ARAP2: variants seen among roughly 807,000 people sequenced by gnomAD.
The protein encoded by ARAP2 is ArfGAP with RhoGAP domain, ankyrin repeat and PH domain 2.
Under a neutral mutation model 194.5 loss-of-function variants are expected in ARAP2, and 148 were observed. That is an observed-to-expected ratio of 0.76 (90% CI 0.67 to 0.87). The LOEUF is 0.87. ARAP2 is among the 40% of genes least tolerant of loss of function. The pLI is 0.00. For synonymous variants in ARAP2, 695 were observed against 683.5 expected (o/e 1.02, Z -0.26); for missense variants, 2,128 against 1,989.7 (o/e 1.07, Z -1.32).
intron 7 of ARAP2, among the ~76,000 whole-genome samples, chr4:36,190,677 G>A (rs945866125): frequency 5.3e-5 from 8 of 152,120 alleles, no homozygotes; most frequent in African/African-American, 1.9e-4. Flanking sequence ...CACACAGTTG[G>A]AGAAAATCAA....
intron 8 of ARAP2, among the ~76,000 whole-genome samples, chr4:36,186,531 C>G (rs952816234): frequency 7.9e-5 from 12 of 152,206 alleles, no homozygotes; most frequent in African/African-American, 2.9e-4. Flanking sequence ...TCCCCAAACC[C>G]AAGACCATGG....
chr4:36,042,906 G>A (rs1322274125), intron 5 of ARAP2, among the ~76,000 whole-genome samples: 2 of 150,242 alleles, frequency 1.3e-5, no homozygotes, highest in African/African-American at 4.9e-5. Flanking sequence ...GCAATGGCAC[G>A]ATCTTGGCTC....
At chr4:36,148,952 A>T (rs6531416) in intron 16 of ARAP2, among the ~76,000 whole-genome samples, 88,540 of 151,936 alleles carry the variant, frequency 0.58, 26,570 homozygotes, top group East Asian at 0.84. Context: ...CACATCAAGC[A>T]TTAAATCTTA....
chr4:36,083,124 C>T (rs944465512), intron 29 of ARAP2, among the ~76,000 whole-genome samples: 2 of 152,050 alleles, frequency 1.3e-5, no homozygotes, highest in African/African-American at 4.8e-5. Flanking sequence ...TTACTTTACA[C>T]AGAGAGATTG....
chr4:36,149,881 A>T (rs1730545119), intron 16 of ARAP2, among the ~76,000 whole-genome samples: 1 of 152,148 alleles, frequency 6.6e-6, no homozygotes, highest in Non-Finnish European at 1.5e-5. Context: ...AGCTTTGCAA[A>T]TCTCTTTCCT....
chr4:36,103,345 C>T (rs964493950), intron 27 of ARAP2, among the ~76,000 whole-genome samples: 1 of 151,574 alleles, frequency 6.6e-6, no homozygotes, highest in African/African-American at 2.4e-5. Context: ...TTTCAAAAAA[C>T]TTTAGTGCTT....
chr4:36,043,845 G>GAAC (rs1560311674), intron 5 of ARAP2, among the ~76,000 whole-genome samples: 1 of 35,910 alleles, frequency 2.8e-5, no homozygotes, highest in Non-Finnish European at 5.4e-5. Context: ...GGAGGGGAGG[G>GAAC]GGGAGGGGAG....
At chr4:36,061,611 G>A (rs986989355), downstream of ARAP2, among the ~76,000 whole-genome samples, 8 of 152,138 alleles carry the variant, frequency 5.3e-5, no homozygotes, top group African/African-American at 1.9e-4. Context: ...TTTGGCTACT[G>A]CTGCAACAAA....
intron 15 of ARAP2, among the ~76,000 whole-genome samples, chr4:36,156,847 A>T (rs1301912193): frequency 6.6e-6 from 1 of 152,238 alleles, no homozygotes; most frequent in Non-Finnish European, 1.5e-5. Context: ...CCTAAAATGC[A>T]ATGTTTTAAA....
chr4:36,153,472 G>T (rs16991957), intron 15 of ARAP2, among the ~76,000 whole-genome samples: 13,775 of 152,184 alleles, frequency 0.091, 682 homozygotes, highest in Middle Eastern at 0.13. Flanking sequence ...TAAAATTGGG[G>T]CCACAGAATG....
chr4:36,114,940 T>C (rs181824043), intron 25 of ARAP2, among the ~76,000 whole-genome samples: 54 of 152,152 alleles, frequency 3.5e-4, no homozygotes, highest in African/African-American at 1.2e-3. Context: ...TTCTTTTTGT[T>C]TTTGCTTATG....
chr4:36,125,223 G>A (rs1309498536), intron 21 of ARAP2, among the ~76,000 whole-genome samples: 1 of 151,892 alleles, frequency 6.6e-6, no homozygotes, highest in Non-Finnish European at 1.5e-5. Context: ...TTTTAAAATA[G>A]AAGGTTAGGT....
At chr4:36,009,113 C>T (rs1441990543) in intron 9 of ARAP2, among the ~76,000 whole-genome samples, 2 of 152,124 alleles carry the variant, frequency 1.3e-5, no homozygotes, top group African/African-American at 2.4e-5. Context: ...TAAACTAGTT[C>T]AGTCACTGTG....
chr4:36,012,128 AC>A (rs1714687192), intron 9 of ARAP2, among the ~76,000 whole-genome samples: 1 of 152,202 alleles, frequency 6.6e-6, no homozygotes, highest in South Asian at 2.1e-4. Context: ...TAAAATGTCT[AC>A]GATTCTTCAT....
At chr4:36,073,489 T>C (rs933301870) in intron 32 of ARAP2, among the ~76,000 whole-genome samples, 200 bp downstream of exon 32, 1 of 152,124 alleles carries the variant, frequency 6.6e-6, no homozygotes, top group African/African-American at 2.4e-5. Flanking sequence ...GCATATGTGA[T>C]TGGGTGGTCA....
chr4:36,197,682 G>A (rs1179465380), intron 6 of ARAP2, among the ~76,000 whole-genome samples: 2 of 152,208 alleles, frequency 1.3e-5, no homozygotes, highest in South Asian at 2.1e-4. Context: ...GGGTGTGTGA[G>A]CAAGTGAGCA....
intron 5 of ARAP2, among the ~76,000 whole-genome samples, chr4:36,036,235 G>A (rs548900204): frequency 2.6e-5 from 4 of 152,124 alleles, no homozygotes; most frequent in African/African-American, 9.6e-5. Flanking sequence ...TTTAGATTGG[G>A]ATCCAAATGG....
chr4:36,008,248 C>T (rs563594824), intron 9 of ARAP2, among the ~76,000 whole-genome samples: 12 of 151,986 alleles, frequency 7.9e-5, no homozygotes, highest in Non-Finnish European at 2.9e-5. Context: ...TAATCCTAAG[C>T]AAAAAATAAA....
At chr4:36,157,809 A>ATG (rs1255753161) in intron 15 of ARAP2, among the ~76,000 whole-genome samples, 1 of 152,068 alleles carries the variant, frequency 6.6e-6, no homozygotes, top group African/African-American at 2.4e-5. Context: ...ATATATATAT[A>ATG]TATTTGGAAA....
Sources: gnomAD v4.1 joint callset for allele counts (sites outside exome capture counted in the v4.1 genomes callset) on GRCh38, gnomAD v4.1.1 for gene constraint, MANE v1.5 for transcripts, NCBI Gene and HGNC (gene_info 2026-07-23, HGNC 2026-07-21) for gene names.